Variants in ZC3H12B observed in about 807,000 individuals in gnomAD.
ZC3H12B encodes zinc finger CCCH-type containing 12B.
ZC3H12B carries 7 observed loss-of-function variants against 43.9 expected under a neutral mutation model. The ratio of observed to expected loss-of-function variants is 0.16; its 90% CI spans 0.09 to 0.30. The LOEUF (loss-of-function observed/expected upper bound fraction) is 0.30. Ranked by LOEUF, ZC3H12B falls within the 10% of genes least tolerant of loss-of-function variation. The probability of loss-of-function intolerance (pLI) is 1.00; values close to 1 mark genes in which losing one functional copy is unlikely to be tolerated. For missense variants in ZC3H12B, 475 were observed against 670.2 expected (o/e 0.71, Z 3.22); for synonymous variants, 222 against 241.7 (o/e 0.92, Z 0.76).
chrX:65,352,171 A>G, the ZC3H12B span, among the ~76,000 whole-genome samples: 1 of 112,152 alleles, frequency 8.9e-6, no homozygotes, highest in African/African-American at 3.2e-5. Context: ...TTGCAGGGAC[A>G]TGGATGATGC....
the ZC3H12B span, among the ~76,000 whole-genome samples, chrX:65,284,094 C>T: frequency 5.4e-5 from 6 of 110,311 alleles, no homozygotes; most frequent in Non-Finnish European, 1.1e-4. Flanking sequence ...AGAGAGTATG[C>T]TATTATTTGC....
the ZC3H12B span, among the ~76,000 whole-genome samples, chrX:65,326,575 A>G: frequency 9.1e-6 from 1 of 110,068 alleles, no homozygotes. Flanking sequence ...TAGAAAAAAA[A>G]AAGACCTAGT....
chrX:65,328,481 A>G, the ZC3H12B span: 1 of 254,495 alleles, frequency 3.9e-6, no homozygotes, highest in South Asian at 5.2e-5. Context: ...AGGAATCTTT[A>G]CTTTATCTTC....
chrX:65,152,519 A>C, the ZC3H12B span, among the ~76,000 whole-genome samples: 1 of 111,322 alleles, frequency 9.0e-6, no homozygotes, highest in Admixed American at 9.6e-5. Context: ...TAGGAATCCA[A>C]CTTACAAGGG....
the ZC3H12B span, among the ~76,000 whole-genome samples, chrX:65,225,835 AAAAGAAAC>A: frequency 2.7e-5 from 3 of 111,807 alleles, no homozygotes; most frequent in African/African-American, 9.8e-5. Flanking sequence ...AAAAAGAACA[AAAAGAAAC>A]GAACAAAGCC....
chrX:65,247,257 G>A, the ZC3H12B span, among the ~76,000 whole-genome samples: 1 of 112,180 alleles, frequency 8.9e-6, no homozygotes, highest in Non-Finnish European at 1.9e-5. Flanking sequence ...GTGAGGTTGT[G>A]GAGAAAGAGG....
the ZC3H12B span, among the ~76,000 whole-genome samples, chrX:65,164,402 TATA>T: frequency 9.0e-6 from 1 of 111,454 alleles, no homozygotes; most frequent in Non-Finnish European, 1.9e-5. Flanking sequence ...GCTCAGGTTT[TATA>T]ATAATGATAA....
the ZC3H12B span, among the ~76,000 whole-genome samples, chrX:65,105,211 C>T: frequency 3.6e-5 from 4 of 109,627 alleles, no homozygotes; most frequent in African/African-American, 1.3e-4. Flanking sequence ...AATGAGAACA[C>T]ATGGACACCG....
chrX:65,160,229 C>T, the ZC3H12B span, among the ~76,000 whole-genome samples: 5 of 111,296 alleles, frequency 4.5e-5, no homozygotes, highest in South Asian at 3.8e-4. Context: ...ATTCTCCTTT[C>T]GGTTGTGTCT....
At chrX:65,088,743 G>A in the ZC3H12B span, among the ~76,000 whole-genome samples, 3 of 111,139 alleles carry the variant, frequency 2.7e-5, no homozygotes, top group Non-Finnish European at 5.7e-5. Context: ...GTTATTTAAG[G>A]ATGGTTTTTT....
chrX:65,132,747 G>T, the ZC3H12B span, among the ~76,000 whole-genome samples: 1 of 111,558 alleles, frequency 9.0e-6, no homozygotes, highest in African/African-American at 3.3e-5. Context: ...AGTTATGGAG[G>T]CAAGGGAAAC....
the ZC3H12B span, among the ~76,000 whole-genome samples, chrX:65,245,537 A>G: frequency 1.8e-5 from 2 of 112,397 alleles, no homozygotes; most frequent in Admixed American, 9.4e-5. Flanking sequence ...TTGGGTCTAC[A>G]TATGCAAATC....
chrX:65,425,624 A>T (rs1020868927), intron 3 of ZC3H12B, among the ~76,000 whole-genome samples: 1 of 111,227 alleles, frequency 9.0e-6, no homozygotes, highest in Non-Finnish European at 1.9e-5. Flanking sequence ...TATTATTTTG[A>T]TGTATGTTCC....
the ZC3H12B span, among the ~76,000 whole-genome samples, chrX:65,145,615 C>G: frequency 2.7e-5 from 3 of 111,436 alleles, no homozygotes; most frequent in Non-Finnish European, 5.7e-5. Flanking sequence ...TAAAGAAGTT[C>G]TGTTTTGATG....
intron 3 of ZC3H12B, among the ~76,000 whole-genome samples, chrX:65,448,644 C>A (rs1022788510): frequency 9.1e-6 from 1 of 110,177 alleles, no homozygotes; most frequent in African/African-American, 3.3e-5. Context: ...TGGTGAAACC[C>A]CATCTCTACT....
chrX:65,172,724 C>T, the ZC3H12B span, among the ~76,000 whole-genome samples: 2 of 111,934 alleles, frequency 1.8e-5, no homozygotes, highest in Non-Finnish European at 3.8e-5. Flanking sequence ...TGTCAAAGAT[C>T]AGATTGTTCT....
At chrX:65,123,333 T>A in the ZC3H12B span, among the ~76,000 whole-genome samples, 2 of 111,559 alleles carry the variant, frequency 1.8e-5, no homozygotes, top group African/African-American at 6.5e-5. Flanking sequence ...TTTGCCAGTG[T>A]TTTATTGAGG....
At chrX:65,388,678 C>T (rs1056386509) in intron 2 of ZC3H12B, among the ~76,000 whole-genome samples, 2 of 112,022 alleles carry the variant, frequency 1.8e-5, no homozygotes, top group Admixed American at 1.9e-4. Context: ...TGTTCCATTG[C>T]TGGTGAGGAG....
At chrX:65,215,429 C>T in the ZC3H12B span, among the ~76,000 whole-genome samples, 1 of 111,385 alleles carries the variant, frequency 9.0e-6, no homozygotes, top group Non-Finnish European at 1.9e-5. Flanking sequence ...TTACCTTGCA[C>T]TTTAATCTTA....
Sources: allele counts gnomAD v4.1 joint callset (sites outside exome capture counted in the v4.1 genomes callset), GRCh38; gene constraint gnomAD v4.1.1; transcripts MANE v1.5; gene names NCBI Gene and HGNC (gene_info 2026-07-23, HGNC 2026-07-21).